TEX11: variants seen among roughly 807,000 people sequenced by gnomAD.
TEX11 encodes testis-expressed protein 11.
Under a neutral mutation model 84.4 loss-of-function variants are expected in TEX11, and 7 were observed. The ratio of observed to expected loss-of-function variants is 0.08; its 90% CI spans 0.05 to 0.16. The LOEUF is 0.16. Ranked by LOEUF, TEX11 falls within the 10% of genes least tolerant of loss-of-function variation. The pLI is 1.00. For synonymous variants in TEX11, 264 were observed against 222.8 expected, an observed-to-expected ratio of 1.18 and a Z score of -1.64; for missense variants, 551 against 660.5, an observed-to-expected ratio of 0.83 and a Z score of 1.82.
intron 17 of TEX11, 119 bp from the exon 18 acceptor site, chrX:70,629,854 G>C (rs2089489720): frequency 5.0e-6 from 3 of 601,480 alleles, no homozygotes; most frequent in Non-Finnish European, 7.3e-6. Flanking sequence ...TAAAATGTTA[G>C]TATTCATAAA....
intron 2 of TEX11, among the ~76,000 whole-genome samples, chrX:70,894,441 C>T (rs1223844163): frequency 9.1e-6 from 1 of 110,135 alleles, no homozygotes; most frequent in African/African-American, 3.3e-5. Context: ...TCCTGGCCAA[C>T]CTGGTGAAGC....
At chrX:70,778,324 G>A (rs1348919241) in intron 9 of TEX11, among the ~76,000 whole-genome samples, 1 of 111,639 alleles carries the variant, frequency 9.0e-6, no homozygotes, top group Admixed American at 9.6e-5. Context: ...TTTGAAAACA[G>A]AATAGATCTA....
intron 18 of TEX11, among the ~76,000 whole-genome samples, chrX:70,625,526 C>T (rs2089440702): frequency 9.0e-6 from 1 of 111,015 alleles, no homozygotes; most frequent in Non-Finnish European, 1.9e-5. Flanking sequence ...TACCCATAGG[C>T]CTGGAGATGG....
chrX:70,599,054 T>C (rs1187032206), intron 24 of TEX11, among the ~76,000 whole-genome samples: 1 of 111,840 alleles, frequency 8.9e-6, no homozygotes, highest in Non-Finnish European at 1.9e-5. Context: ...GGTATGTGAA[T>C]TATGCCTCAA....
At chrX:70,554,832 G>C (rs1327255467) in intron 25 of TEX11, 32 bp from the exon 26 acceptor site, 1 of 1,157,792 alleles carries the variant, frequency 8.6e-7, no homozygotes, top group Admixed American at 2.4e-5. Flanking sequence ...AACATTCTTT[G>C]TGATTATATT....
At chrX:70,683,686 T>C (rs1342907314) in intron 13 of TEX11, among the ~76,000 whole-genome samples, 1 of 111,336 alleles carries the variant, frequency 9.0e-6, no homozygotes, top group African/African-American at 3.3e-5. Flanking sequence ...CTAAAATTAA[T>C]ATGGACTTTG....
intron 20 of TEX11, among the ~76,000 whole-genome samples, chrX:70,621,599 CTT>C (rs2089395822): frequency 1.7e-5 from 1 of 57,992 alleles, no homozygotes; most frequent in Non-Finnish European, 3.1e-5. Flanking sequence ...AAATATTAAA[CTT>C]AAAAAATAAA....
the TEX11 span, among the ~76,000 whole-genome samples, chrX:70,515,636 A>G: frequency 1.8e-5 from 2 of 112,413 alleles, no homozygotes; most frequent in African/African-American, 6.5e-5. Context: ...GTATACACCC[A>G]GTAATGGGAT....
chrX:70,659,374 C>T (rs1326593549), intron 16 of TEX11, among the ~76,000 whole-genome samples: 1 of 111,782 alleles, frequency 8.9e-6, no homozygotes, highest in Non-Finnish European at 1.9e-5. Flanking sequence ...ATACAAATCC[C>T]AATTAAAAAT....
At chrX:70,730,725 T>C (rs1225842452) in intron 11 of TEX11, among the ~76,000 whole-genome samples, 1 of 111,424 alleles carries the variant, frequency 9.0e-6, no homozygotes, top group Non-Finnish European at 1.9e-5. Flanking sequence ...CACCCCACTG[T>C]CAACATTAGA....
At chrX:70,809,859 G>C (rs772638396) in intron 8 of TEX11, among the ~76,000 whole-genome samples, 3 of 111,244 alleles carry the variant, frequency 2.7e-5, no homozygotes, top group Non-Finnish European at 5.7e-5. Flanking sequence ...ACCAAGCCTG[G>C]CTAATTTTTC....
intron 13 of TEX11, among the ~76,000 whole-genome samples, chrX:70,703,963 G>T (rs2090347251): frequency 1.8e-5 from 2 of 111,429 alleles, no homozygotes; most frequent in African/African-American, 6.5e-5. Flanking sequence ...GTCGGGCCTA[G>T]TGGGAGGTGA....
At chrX:70,818,714 TC>T (rs756550410) in intron 8 of TEX11, among the ~76,000 whole-genome samples, 102 of 110,358 alleles carry the variant, frequency 9.2e-4, no homozygotes, top group Middle Eastern at 4.6e-3. Flanking sequence ...CCACCACATA[TC>T]CCTGGGATTA....
At chrX:70,859,600 A>AAAAAAG (rs1556187117) in intron 5 of TEX11, among the ~76,000 whole-genome samples, 5 of 96,266 alleles carry the variant, frequency 5.2e-5, no homozygotes, top group Non-Finnish European at 7.9e-5. Flanking sequence ...AAAAAAAAAA[A>AAAAAAG]AGAGAGAACA....
chrX:70,523,722 C>T, the TEX11 span, among the ~76,000 whole-genome samples: 1 of 109,051 alleles, frequency 9.2e-6, no homozygotes, highest in African/African-American at 3.3e-5. Flanking sequence ...CCTCGGCCTC[C>T]CAAAGTGCTG....
In TEX11 at chrX:70,861,586, C is replaced by T. The variant is rs948423002; in HGVS notation, c.245-650G>A. Among the ~76,000 whole-genome samples, 6 of 110,146 alleles carry T rather than the reference C, an allele frequency of 5.4e-5. 1 individual carries two copies. Among genetic ancestry groups the T allele is most frequent in the Non-Finnish European group, 1.1e-4 (6 of 52,872 alleles). ...GGTTCCAGTGATTCCCCTGCCTCAG[C>T]CTCCCGAGTAGCTGGGATTACAGGC... is the stretch of plus-strand genomic sequence containing the variant. On this transcript the variant is annotated intron_variant, in intron 4 of 29. Transcript: ENST00000374333.
intron 8 of TEX11, among the ~76,000 whole-genome samples, chrX:70,817,254 T>TACACAC (rs57325193): frequency 1.2e-5 from 1 of 82,398 alleles, no homozygotes; most frequent in African/African-American, 4.7e-5. Flanking sequence ...CATATATATA[T>TACACAC]ACACACACAC....
chrX:70,763,987 C>T (rs2090925249), intron 9 of TEX11, among the ~76,000 whole-genome samples: 1 of 112,071 alleles, frequency 8.9e-6, no homozygotes, highest in Admixed American at 9.5e-5. Context: ...ACATATGGAT[C>T]TAATGGATAT....
intron 11 of TEX11, among the ~76,000 whole-genome samples, chrX:70,733,666 G>A (rs778778628): frequency 8.9e-6 from 1 of 111,744 alleles, no homozygotes; most frequent in Non-Finnish European, 1.9e-5. Flanking sequence ...AGGTGCTGGT[G>A]AGGATGTGAA....
Sources: allele counts gnomAD v4.1 joint callset (sites outside exome capture counted in the v4.1 genomes callset), GRCh38; gene constraint gnomAD v4.1.1; transcripts MANE v1.5; gene names NCBI Gene and HGNC (gene_info 2026-07-23, HGNC 2026-07-21).